TRIQK: variants seen among roughly 807,000 people sequenced by gnomAD.
TRIQK encodes the protein triple QxxK/R motif-containing protein.
A neutral mutation model predicts 10.8 loss-of-function variants in TRIQK; 10 were observed. The observed-to-expected ratio is 0.92, with a 90% CI of 0.57 to 1.57. TRIQK has a LOEUF of 1.57. Among genes scored for constraint, TRIQK ranks in the 40% most tolerant of loss-of-function variants. The probability of loss-of-function intolerance (pLI) is 0.00; values close to 1 mark genes in which losing one functional copy is unlikely to be tolerated. For synonymous variants in TRIQK, 33 were observed against 33.7 expected (o/e 0.98, Z 0.07); for missense variants, 107 against 97.7 (o/e 1.09, Z -0.40).
At chr8:92,912,661 C>G (rs986689949) in intron 3 of TRIQK, among the ~76,000 whole-genome samples, 1 of 151,668 alleles carries the variant, frequency 6.6e-6, no homozygotes, top group Admixed American at 6.6e-5. Context: ...ACAACTGATG[C>G]CACAGAAATG....
chr8:92,997,309 A>G (rs1813162363), intron 1 of TRIQK, among the ~76,000 whole-genome samples: 1 of 152,028 alleles, frequency 6.6e-6, no homozygotes, highest in Non-Finnish European at 1.5e-5. Flanking sequence ...CAAAAATATT[A>G]TGGATCTTGT....
At chr8:92,996,624 C>T (rs975183989) in intron 1 of TRIQK, among the ~76,000 whole-genome samples, 3 of 151,900 alleles carry the variant, frequency 2.0e-5, no homozygotes, top group Non-Finnish European at 4.4e-5. Flanking sequence ...TTGAATATCT[C>T]AATACTGGTT....
exon 1 of TRIQK, chr8:93,017,615 G>A (rs1347667288): frequency 6.6e-6 from 1 of 152,262 alleles, no homozygotes; most frequent in African/African-American, 2.4e-5. Context: ...TCACCAGCAG[G>A]ATAAAAGGCT....
chr8:92,896,621 A>G (rs1808612519), intron 3 of TRIQK, among the ~76,000 whole-genome samples: 2 of 152,172 alleles, frequency 1.3e-5, no homozygotes, highest in African/African-American at 2.4e-5. Context: ...TAGGGGCCCA[A>G]TGCCTGCCCC....
At chr8:92,943,316 A>G (rs1811363685) in intron 2 of TRIQK, among the ~76,000 whole-genome samples, 1 of 152,184 alleles carries the variant, frequency 6.6e-6, no homozygotes, top group African/African-American at 2.4e-5. Flanking sequence ...CAAGTGGAAA[A>G]AAACTATCTT....
chr8:92,958,901 G>A (rs952870279), intron 1 of TRIQK, among the ~76,000 whole-genome samples: 7 of 151,992 alleles, frequency 4.6e-5, no homozygotes, highest in East Asian at 1.9e-4. Context: ...GCACCTCTGC[G>A]GCAATTACAC....
At chr8:93,006,034 C>CAAAA (rs58693078) in intron 1 of TRIQK, among the ~76,000 whole-genome samples, 1 of 130,922 alleles carries the variant, frequency 7.6e-6, no homozygotes. Context: ...AAAAAATAAG[C>CAAAA]AAAAAAAAAA....
intron 1 of TRIQK, among the ~76,000 whole-genome samples, chr8:92,955,755 T>G (rs552507601): frequency 6.6e-6 from 1 of 151,942 alleles, no homozygotes; most frequent in African/African-American, 2.4e-5. Context: ...AATTTTTAAA[T>G]GGGCAAAGTA....
chr8:92,946,576 G>A (rs1048586521), intron 2 of TRIQK, among the ~76,000 whole-genome samples: 18 of 152,056 alleles, frequency 1.2e-4, no homozygotes, highest in Admixed American at 1.1e-3. Flanking sequence ...ATCAGAAAAT[G>A]AGATTTTTTT....
intron 3 of TRIQK, among the ~76,000 whole-genome samples, chr8:92,903,509 G>A (rs1237491129): frequency 6.6e-6 from 1 of 151,992 alleles, no homozygotes. Context: ...AAATGTGAAA[G>A]GTACATGCAT....
At chr8:92,970,560 G>T (rs1812864401), upstream of TRIQK, among the ~76,000 whole-genome samples, 1 of 152,138 alleles carries the variant, frequency 6.6e-6, no homozygotes, top group Non-Finnish European at 1.5e-5. Context: ...CAGTGATGTT[G>T]AACTTTTTTT....
chr8:92,962,093 C>T (rs191677385), intron 1 of TRIQK, among the ~76,000 whole-genome samples: 212 of 152,156 alleles, frequency 1.4e-3, no homozygotes, highest in African/African-American at 4.9e-3. Flanking sequence ...ACATTTCTAC[C>T]ATATAAAAAA....
rs780161592 is a variant in TRIQK at position 92,913,357 on chromosome 8, CAT to C, written c.61+3570_61+3571del. On this transcript the variant is annotated intron_variant, in intron 3 of 4. Transcript: ENST00000521988. ...AGAAGACATTTATGTGGCCAACAAA[CAT>C]ATGAAAAAAAGCTCAGCCTCACTGG... Among the ~76,000 whole-genome samples the C allele has an allele frequency of 1.1e-4, 17 of 152,168 alleles. No homozygotes were observed. The East Asian group carries it at 2.9e-3, about 26-fold the overall frequency.
chr8:92,983,319 A>G (rs555483933), intron 1 of TRIQK, among the ~76,000 whole-genome samples: 136 of 152,132 alleles, frequency 8.9e-4, no homozygotes, highest in African/African-American at 3.0e-3. Flanking sequence ...GTTCTTATAC[A>G]CAAACTAGAT....
At chr8:92,976,196 T>G (rs1242331157) in intron 1 of TRIQK, among the ~76,000 whole-genome samples, 3 of 152,016 alleles carry the variant, frequency 2.0e-5, no homozygotes, top group African/African-American at 7.2e-5. Flanking sequence ...GTTCAGATTT[T>G]GTATATCTCT....
intron 2 of TRIQK, among the ~76,000 whole-genome samples, chr8:92,947,859 A>T (rs897763214): frequency 7.2e-5 from 11 of 152,270 alleles, no homozygotes; most frequent in African/African-American, 2.6e-4. Flanking sequence ...TAACACTGAG[A>T]TGACTTGAGG....
chr8:92,940,832 C>T (rs1226731505), intron 2 of TRIQK, among the ~76,000 whole-genome samples: 3 of 152,260 alleles, frequency 2.0e-5, no homozygotes, highest in Middle Eastern at 3.4e-3. Context: ...ATACATTCTA[C>T]TCAACTGAAC....
At chr8:92,985,572 C>A (rs544410294) in intron 1 of TRIQK, among the ~76,000 whole-genome samples, 1 of 152,238 alleles carries the variant, frequency 6.6e-6, no homozygotes, top group African/African-American at 2.4e-5. Context: ...CTATTGGAAG[C>A]CAAAGTCAAA....
intron 1 of TRIQK, among the ~76,000 whole-genome samples, chr8:93,002,873 T>G (rs1355203710): frequency 6.7e-6 from 1 of 150,236 alleles, no homozygotes; most frequent in Non-Finnish European, 1.5e-5. Context: ...TGACCCGAGA[T>G]CCTGCCATTG....
Sources: gnomAD v4.1 joint callset for allele counts (sites outside exome capture counted in the v4.1 genomes callset) on GRCh38, gnomAD v4.1.1 for gene constraint, MANE v1.5 for transcripts, NCBI Gene and HGNC (gene_info 2026-07-23, HGNC 2026-07-21) for gene names.